DMD: variants seen among roughly 807,000 people sequenced by gnomAD.
DMD encodes mutant dystrophin.
A neutral mutation model predicts 330.1 loss-of-function variants in DMD; 63 were observed. The ratio of observed to expected loss-of-function variants is 0.19; its 90% CI spans 0.16 to 0.24. The LOEUF (loss-of-function observed/expected upper bound fraction) is 0.24. DMD is among the 10% of genes least tolerant of loss of function. The pLI is 1.00. For synonymous variants in DMD, 1,223 were observed against 959.8 expected, an observed-to-expected ratio of 1.27 and a Z score of -5.07; for missense variants, 3,344 against 2,684.1, an observed-to-expected ratio of 1.25 and a Z score of -5.43.
At chrX:32,173,529 T>C (rs1279775327) in intron 44 of DMD, among the ~76,000 whole-genome samples, 1 of 109,573 alleles carries the variant, frequency 9.1e-6, no homozygotes, top group Non-Finnish European at 1.9e-5. Context: ...TGCGCTGCCA[T>C]GCACGGCTAA....
chrX:31,473,617 G>C (rs1391166771), intron 59 of DMD, among the ~76,000 whole-genome samples: 1 of 103,768 alleles, frequency 9.6e-6, no homozygotes, highest in Non-Finnish European at 1.9e-5. Flanking sequence ...CTACTCAGGA[G>C]GCTGAGGCAG....
In DMD at chrX:31,968,399, A is replaced by G; in HGVS notation, c.6554T>C (p.Leu2185Ser). The change falls in exon 45 of 79, where the codon TTG becomes TCG. Residue 2185 changes from leucine (L) to serine (S), a missense_variant. Physicochemically the swap from Leu to Ser is moderately radical, Grantham distance 145 (BLOSUM62 -2). Coordinates refer to ENST00000357033, the MANE Select transcript of DMD (RefSeq NM_004006.3). The stretch of plus-strand genomic sequence containing the variant: ...CTGCCACCGCAGATTCAGGCTTCCC[A>G]ATTTTTCCTGTAGAATACTGGCATC... ...KTDASILQEK[L>S]GSLNLRWQEV... 1 of 1,210,617 alleles carries G rather than the reference A, an allele frequency of 8.3e-7. No homozygotes were observed. Among genetic ancestry groups the G allele is most frequent in the Admixed American group, 2.2e-5 (1 of 45,873 alleles).
intron 62 of DMD, among the ~76,000 whole-genome samples, chrX:31,274,142 T>A (rs2051896608): frequency 1.8e-5 from 2 of 111,844 alleles, no homozygotes; most frequent in Non-Finnish European, 3.8e-5. Flanking sequence ...TGTAAACTGC[T>A]CTTTAGCAGT....
rs2093908595 is a variant in DMD at position 33,021,244 on chromosome X, C to T, written c.32-1044G>A. Among the ~76,000 whole-genome samples the T allele has an allele frequency of 2.7e-5, 3 of 111,029 alleles. No individual in the cohort carries two copies. The South Asian group carries it at 1.1e-3, about 42-fold the overall frequency. On this transcript the variant is annotated intron_variant, in intron 1 of 78. Transcript: ENST00000357033. The stretch of plus-strand genomic sequence containing the variant: ...AGGGAGAAAAATTATTAAAAAACAG[C>T]TTCACTGAATTCATGCTTCTACAAA...
intron 43 of DMD, among the ~76,000 whole-genome samples, chrX:32,240,579 G>A (rs772607840): frequency 8.9e-6 from 1 of 111,949 alleles, no homozygotes; most frequent in East Asian, 2.8e-4. Context: ...ACTAAAAATA[G>A]TTTTCGTATT....
At chrX:32,429,304 G>A (rs1305530842) in intron 29 of DMD, among the ~76,000 whole-genome samples, 1 of 97,784 alleles carries the variant, frequency 1.0e-5, no homozygotes, top group African/African-American at 3.8e-5. Flanking sequence ...CCGTTCCCTG[G>A]GTTCAAGTGA....
Position 33,046,126 on chromosome X carries a change from C to A in DMD, c.32-25926G>T, listed in dbSNP as rs751776578. Among the ~76,000 whole-genome samples the A allele has an allele frequency of 2.7e-5, 3 of 111,613 alleles. No individual in the cohort carries two copies. In the East Asian group the frequency reaches 8.4e-4, roughly 31 times the overall value. On this transcript the variant is annotated intron_variant, in intron 1 of 78. Transcript: ENST00000357033. ...CCTGATGCCATGAAGCTAAGTAATA[C>A]TCCTGTGTTATTCCAATCCTAGAGT... is the stretch of plus-strand genomic sequence containing the variant.
At chrX:32,706,635 A>G (rs1490907768) in intron 7 of DMD, among the ~76,000 whole-genome samples, 2 of 112,011 alleles carry the variant, frequency 1.8e-5, no homozygotes, top group East Asian at 5.6e-4. Flanking sequence ...TGCCTAGAGC[A>G]TAACAGGGAA....
chrX:32,308,437 G>C (rs1027011507), intron 42 of DMD, among the ~76,000 whole-genome samples: 1 of 110,337 alleles, frequency 9.1e-6, no homozygotes, highest in Non-Finnish European at 1.9e-5. Context: ...GCCTTTAACA[G>C]GAAATACATA....
chrX:32,704,742 A>G (rs1385862547), intron 7 of DMD, among the ~76,000 whole-genome samples: 3 of 112,092 alleles, frequency 2.7e-5, no homozygotes, highest in African/African-American at 9.7e-5. Context: ...TGAGAAGAAA[A>G]GGAATAGAGA....
At chrX:32,695,726 A>G (rs1396401996) in intron 9 of DMD, among the ~76,000 whole-genome samples, 2 of 112,013 alleles carry the variant, frequency 1.8e-5, no homozygotes, top group African/African-American at 6.5e-5. Context: ...TCATTTGCAT[A>G]CAGATTGAAT....
chrX:32,470,722 C>A (rs2040539514), intron 22 of DMD, among the ~76,000 whole-genome samples: 1 of 111,225 alleles, frequency 9.0e-6, no homozygotes, highest in South Asian at 3.7e-4. Context: ...GAAACAGCTA[C>A]CATTTGGTAT....
intron 11 of DMD, among the ~76,000 whole-genome samples, chrX:32,623,528 A>AT (rs568825537): frequency 0.039 from 3,570 of 92,139 alleles, 102 homozygotes; most frequent in African/African-American, 0.073. Context: ...TAATACTAGT[A>AT]TTTTTTTTTT....
intron 7 of DMD, among the ~76,000 whole-genome samples, chrX:32,789,189 G>T (rs182341195): frequency 8.9e-6 from 1 of 112,073 alleles, no homozygotes; most frequent in African/African-American, 3.2e-5. Flanking sequence ...AGAATGTTTT[G>T]ATGGCCAGTC....
At chrX:31,905,319 T>C (rs990519735) in intron 47 of DMD, among the ~76,000 whole-genome samples, 2 of 111,650 alleles carry the variant, frequency 1.8e-5, no homozygotes, top group African/African-American at 6.5e-5. Flanking sequence ...AAGAATCTGT[T>C]AAGCTTGCTT....
intron 13 of DMD, among the ~76,000 whole-genome samples, chrX:32,584,066 C>A (rs2053956555): frequency 9.1e-6 from 1 of 110,312 alleles, no homozygotes; most frequent in Non-Finnish European, 1.9e-5. Flanking sequence ...CAAAGAATAC[C>A]CAGAATATAT....
chrX:32,330,594 TG>T (rs2097674319), intron 41 of DMD, among the ~76,000 whole-genome samples: 1 of 111,951 alleles, frequency 8.9e-6, no homozygotes, highest in African/African-American at 3.2e-5. Flanking sequence ...CACTTTATAT[TG>T]TTGTGTTGCA....
At chrX:31,530,704 T>C (rs1234739825) in intron 55 of DMD, among the ~76,000 whole-genome samples, 1 of 78,273 alleles carries the variant, frequency 1.3e-5, no homozygotes, top group Non-Finnish European at 2.4e-5. Context: ...CTCTAAGTTT[T>C]AGGGTACATG....
intron 60 of DMD, among the ~76,000 whole-genome samples, chrX:31,402,588 A>C (rs1400120061): frequency 8.9e-6 from 1 of 112,123 alleles, no homozygotes; most frequent in Non-Finnish European, 1.9e-5. Flanking sequence ...AAAGCAAAGG[A>C]AAATTCTAGG....
Sources: gnomAD v4.1 joint callset for allele counts (sites outside exome capture counted in the v4.1 genomes callset) on GRCh38, gnomAD v4.1.1 for gene constraint, MANE v1.5 for transcripts, NCBI Gene and HGNC (gene_info 2026-07-23, HGNC 2026-07-21) for gene names.